The following TPCN1 variants were observed in gnomAD, a reference collection of about 807,000 sequenced individuals.
The protein encoded by TPCN1 is two pore segment channel 1.
TPCN1 carries 52 observed loss-of-function variants against 108.8 expected under a neutral mutation model. That is an observed-to-expected ratio of 0.48 (90% CI 0.38 to 0.60). TPCN1 has a LOEUF of 0.60. TPCN1 is among the 20% of genes least tolerant of loss of function. TPCN1 has a pLI of 0.00. For missense variants in TPCN1, 806 were observed against 1,072.8 expected (o/e 0.75, Z 3.47); for synonymous variants, 446 against 433.7 (o/e 1.03, Z -0.35).
intron 2 of TPCN1, among the ~76,000 whole-genome samples, chr12:113,239,783 T>C (rs1423837037): frequency 6.6e-6 from 1 of 152,230 alleles, no homozygotes; most frequent in South Asian, 2.1e-4. Context: ...CCATCTAAGC[T>C]TCCCCGTCGC....
intron 2 of TPCN1, among the ~76,000 whole-genome samples, chr12:113,233,177 G>A (rs890167468): frequency 2.6e-5 from 4 of 152,162 alleles, no homozygotes; most frequent in South Asian, 2.1e-4. Flanking sequence ...CAGGCCCCCT[G>A]CCATGAGATG....
At chr12:113,290,628 G>A (rs926008966) in intron 22 of TPCN1, among the ~76,000 whole-genome samples, 4 of 152,178 alleles carry the variant, frequency 2.6e-5, no homozygotes, top group South Asian at 2.1e-4. Context: ...ATGAAGAGGC[G>A]AACACAGCCA....
chr12:113,296,202 AAGAC>A lies in TPCN1; in HGVS notation c.*132_*135del, dbSNP rs1956425530. ...CACATATTTATATACAGGAAGAAAA[AAGAC>A]AGACAAGATGGGGCTTGGTTTATAA... On this transcript the variant is annotated 3_prime_UTR_variant, in exon 28 of 28. Coordinates refer to ENST00000335509, the MANE Select transcript of TPCN1 (RefSeq NM_017901.6). 2.3e-5 allele frequency: 32 copies of A among 1,391,770 alleles called. No homozygotes were observed. The highest frequency in any genetic ancestry group is 4.8e-5 in the East Asian group (2 of 41,866). The allele number at this position is 1,391,770 out of a possible 1,614,324, so 86.2% of individuals were successfully genotyped here. A position where few individuals can be genotyped will look rare whatever the true frequency, so the allele number is the denominator to read the frequency against.
intron 2 of TPCN1, among the ~76,000 whole-genome samples, chr12:113,251,762 T>C (rs1292387750): frequency 6.6e-6 from 1 of 152,204 alleles, no homozygotes; most frequent in Non-Finnish European, 1.5e-5. Context: ...CTCCCATTGT[T>C]CCAAGGAGTC....
Position 113,266,397 on chromosome 12 carries a change from G to A in TPCN1, c.414+41G>A, listed in dbSNP as rs1245040932. On this transcript the variant is annotated intron_variant, in intron 4 of 27. Coordinates refer to ENST00000335509, the MANE Select transcript of TPCN1 (RefSeq NM_017901.6). The surrounding 1 kb of genome is among the most constrained non-coding windows in gnomAD (Gnocchi z 4.2). ...CCTCATACGGGGGGCTGGGAGCCAC[G>A]GCTTTCAGGGCAAGCGATGGAACTC... 5.0e-6 allele frequency: 8 copies of A among 1,592,812 alleles called. No individual in the cohort carries two copies. The highest frequency in any genetic ancestry group is 4.4e-5 in the South Asian group (4 of 90,518).
chr12:113,267,038 G>A (rs1955289600), intron 4 of TPCN1, among the ~76,000 whole-genome samples: 1 of 152,146 alleles, frequency 6.6e-6, no homozygotes, highest in Non-Finnish European at 1.5e-5. Flanking sequence ...CTGTGCTGGA[G>A]TCCTTCTTCC....
chr12:113,246,632 C>T (rs528831197), intron 2 of TPCN1, among the ~76,000 whole-genome samples: 18 of 152,342 alleles, frequency 1.2e-4, no homozygotes, highest in Admixed American at 1.3e-4. Flanking sequence ...GGCTAGCTGC[C>T]GGCCTTCTGG....
chr12:113,264,503 A>G (rs1299941280), intron 3 of TPCN1, among the ~76,000 whole-genome samples: 1 of 152,042 alleles, frequency 6.6e-6, no homozygotes, highest in Admixed American at 6.5e-5. Flanking sequence ...ACATGGTGAA[A>G]CACCATCTCT....
intron 2 of TPCN1, among the ~76,000 whole-genome samples, chr12:113,257,186 C>A (rs186722690): frequency 1.3e-5 from 2 of 152,202 alleles, no homozygotes; most frequent in African/African-American, 4.8e-5. Context: ...ATACCACTAC[C>A]CATCTTTTGA....
At position 113,269,714 on chromosome 12, in the gene TPCN1, G is replaced by A. The variant is rs752158042; in HGVS notation, c.660-43G>A. On this transcript the variant is annotated intron_variant, in intron 6 of 27. Coordinates refer to ENST00000335509, the MANE Select transcript of TPCN1 (RefSeq NM_017901.6). The surrounding 1 kb of genome is among the most constrained non-coding windows in gnomAD (Gnocchi z 5.0). ...AACAAGGAGGAGTCCCAGGCAGCCC[G>A]CCCCAGCTGGTGCCTCCCCTGAGCT... 2.5e-6 allele frequency: 4 copies of A among 1,581,706 alleles called. No individual in the cohort carries two copies. Among genetic ancestry groups the A allele is most frequent in the Admixed American group, 1.7e-5 (1 of 59,656 alleles).
At chr12:113,223,011 A>T (rs1299030970) in intron 1 of TPCN1, among the ~76,000 whole-genome samples, 1 of 152,206 alleles carries the variant, frequency 6.6e-6, no homozygotes, top group Non-Finnish European at 1.5e-5. Context: ...TGTGGTAAAA[A>T]GTTAAACCAA....
At chr12:113,259,252 C>T (rs1187845904) in intron 2 of TPCN1, among the ~76,000 whole-genome samples, 2 of 152,194 alleles carry the variant, frequency 1.3e-5, no homozygotes, top group South Asian at 4.1e-4. Context: ...GCTGGGATTA[C>T]AGGCGTGAGC....
intron 2 of TPCN1, chr12:113,244,289 G>T (rs1954263730): frequency 1.0e-6 from 1 of 985,264 alleles, no homozygotes; most frequent in Admixed American, 6.1e-5. Flanking sequence ...TAAGCCTTTG[G>T]CAGGACAGAT....
intron 27 of TPCN1, 112 bp downstream of exon 27, chr12:113,293,461 C>A: frequency 9.6e-7 from 1 of 1,036,674 alleles, no homozygotes; most frequent in Non-Finnish European, 1.5e-6. Flanking sequence ...TAGAGAGATG[C>A]AGACCGTCCA....
At chr12:113,241,313 C>T (rs573860365) in intron 2 of TPCN1, among the ~76,000 whole-genome samples, 6 of 152,284 alleles carry the variant, frequency 3.9e-5, no homozygotes, top group African/African-American at 1.2e-4. Flanking sequence ...GCTTCATGGC[C>T]GCCTCACCTC....
At chr12:113,257,951 AT>A (rs1462605734) in intron 2 of TPCN1, among the ~76,000 whole-genome samples, 1 of 152,188 alleles carries the variant, frequency 6.6e-6, no homozygotes, top group Non-Finnish European at 1.5e-5. Context: ...AAATATATAT[AT>A]TATATGTAAT....
intron 1 of TPCN1, among the ~76,000 whole-genome samples, chr12:113,223,750 G>A (rs993385104): frequency 3.3e-5 from 5 of 151,982 alleles, no homozygotes; most frequent in African/African-American, 1.2e-4. Context: ...CGCCATGTTG[G>A]CCAGGCTGGT....
At chr12:113,286,559 T>G (rs1297814884) in intron 18 of TPCN1, among the ~76,000 whole-genome samples, 2 of 149,274 alleles carry the variant, frequency 1.3e-5, no homozygotes, top group African/African-American at 4.9e-5. Flanking sequence ...GGAATCTCAC[T>G]GGAAGGGCCT....
chr12:113,235,479 ATTAGAAGT>A (rs1427308767), intron 2 of TPCN1, among the ~76,000 whole-genome samples: 2 of 151,878 alleles, frequency 1.3e-5, no homozygotes, highest in African/African-American at 4.8e-5. Flanking sequence ...TCAAGTGAGC[ATTAGAAGT>A]TTTTTTAAAA....
Sources: gnomAD v4.1 joint callset for allele counts (sites outside exome capture counted in the v4.1 genomes callset) on GRCh38, gnomAD v4.1.1 for gene constraint, Gnocchi (gnomAD v3.1) non-coding constraint, MANE v1.5 for transcripts, NCBI Gene and HGNC (gene_info 2026-07-23, HGNC 2026-07-21) for gene names.